Variants in RABGAP1L observed in about 807,000 individuals in gnomAD.
RABGAP1L encodes the protein RAB GTPase activating protein 1 like.
Under a neutral mutation model 137.7 loss-of-function variants are expected in RABGAP1L, and 63 were observed. The ratio of observed to expected loss-of-function variants is 0.46; its 90% CI spans 0.37 to 0.56. The LOEUF is 0.56. Ranked by LOEUF, RABGAP1L falls within the 20% of genes least tolerant of loss-of-function variation. RABGAP1L has a pLI of 0.00. For missense variants in RABGAP1L, 1,095 were observed against 1,244.0 expected, an observed-to-expected ratio of 0.88 and a Z score of 1.80; for synonymous variants, 431 against 433.7, an observed-to-expected ratio of 0.99 and a Z score of 0.08.
intron 19 of RABGAP1L, chr1:174,954,098 AAAATC>A (rs1354250150): frequency 1.3e-5 from 2 of 152,228 alleles, no homozygotes; most frequent in Non-Finnish European, 2.9e-5. Context: ...TCTCTAAAAT[AAAATC>A]AAGTTTGTCC....
chr1:174,184,629 G>A (rs1479754952), intron 1 of RABGAP1L, among the ~76,000 whole-genome samples: 1 of 152,178 alleles, frequency 6.6e-6, no homozygotes, highest in Non-Finnish European at 1.5e-5. Context: ...GCTCAGGAAA[G>A]TAACCTCCAG....
At chr1:174,804,682 G>A (rs1329801087) in intron 18 of RABGAP1L, among the ~76,000 whole-genome samples, 1 of 152,156 alleles carries the variant, frequency 6.6e-6, no homozygotes, top group African/African-American at 2.4e-5. Flanking sequence ...GTTAAAATTA[G>A]TGTTATCTGG....
intron 19 of RABGAP1L, chr1:174,849,627 A>G: frequency 2.7e-6 from 1 of 370,850 alleles, no homozygotes; most frequent in South Asian, 2.1e-5. Context: ...ATGAGAAAAT[A>G]TACAGGATGA....
chr1:174,457,217 T>A (rs575462179), intron 13 of RABGAP1L, among the ~76,000 whole-genome samples: 197 of 152,298 alleles, frequency 1.3e-3, no homozygotes, highest in Non-Finnish European at 2.1e-3. Flanking sequence ...ACAGGATATT[T>A]GAGAAGTTTT....
intron 11 of RABGAP1L, among the ~76,000 whole-genome samples, chr1:174,336,288 C>T (rs1329165356): frequency 6.6e-6 from 1 of 152,072 alleles, no homozygotes; most frequent in Non-Finnish European, 1.5e-5. Flanking sequence ...CTACCCCAGG[C>T]TAATTTTTAA....
intron 13 of RABGAP1L, among the ~76,000 whole-genome samples, chr1:174,492,887 A>G (rs2149357582): frequency 6.6e-6 from 1 of 151,944 alleles, no homozygotes; most frequent in African/African-American, 2.4e-5. Context: ...CATATGTATA[A>G]GCAGGTATAC....
intron 13 of RABGAP1L, among the ~76,000 whole-genome samples, chr1:174,544,209 C>G (rs181583306): frequency 6.6e-6 from 1 of 152,268 alleles, no homozygotes; most frequent in Non-Finnish European, 1.5e-5. Flanking sequence ...TGGTTCCATT[C>G]TCCTTGTCAC....
intron 19 of RABGAP1L, among the ~76,000 whole-genome samples, chr1:174,820,963 A>G (rs531281217): frequency 3.1e-4 from 47 of 151,538 alleles, no homozygotes; most frequent in Non-Finnish European, 6.0e-4. Flanking sequence ...GTTGCAGTGA[A>G]CTGACATTGC....
At chr1:174,695,044 GTTGT>G (rs529019876) in intron 15 of RABGAP1L, among the ~76,000 whole-genome samples, 3,208 of 152,216 alleles carry the variant, frequency 0.021, 53 homozygotes, top group Middle Eastern at 0.085. Context: ...TTTTGATGGG[GTTGT>G]TTGTTTTTTC....
At chr1:174,387,094 G>C (rs911393978) in intron 12 of RABGAP1L, among the ~76,000 whole-genome samples, 1 of 152,094 alleles carries the variant, frequency 6.6e-6, no homozygotes, top group Non-Finnish European at 1.5e-5. Flanking sequence ...AAACAACATA[G>C]TTTCTACCTT....
intron 13 of RABGAP1L, among the ~76,000 whole-genome samples, chr1:174,514,221 C>A (rs1572124736): frequency 9.4e-6 from 1 of 106,688 alleles, no homozygotes. Context: ...ATTTTTAAAT[C>A]ATGAAGCATG....
At chr1:174,358,241 T>C (rs77729848) in intron 11 of RABGAP1L, among the ~76,000 whole-genome samples, 1,655 of 152,190 alleles carry the variant, frequency 0.011, 31 homozygotes, top group African/African-American at 0.038. Context: ...AAAGAGAAGG[T>C]TTGGATTTTA....
chr1:174,276,525 A>G (rs1431516013), intron 9 of RABGAP1L, among the ~76,000 whole-genome samples: 4 of 152,138 alleles, frequency 2.6e-5, no homozygotes, highest in African/African-American at 9.7e-5. Flanking sequence ...TCATTTGTGG[A>G]GACTAGTGAT....
At chr1:174,698,424 A>G (rs752059139) in intron 15 of RABGAP1L, among the ~76,000 whole-genome samples, 4 of 152,232 alleles carry the variant, frequency 2.6e-5, no homozygotes, top group African/African-American at 9.6e-5. Context: ...AGCAACATCA[A>G]GAAAACGCAG....
At chr1:174,986,919 T>G (rs1671638100) in intron 24 of RABGAP1L, among the ~76,000 whole-genome samples, 1 of 152,228 alleles carries the variant, frequency 6.6e-6, no homozygotes. Context: ...AGATCAAAAC[T>G]ATTTCTTTAA....
At chr1:174,364,362 C>G (rs1272879988) in intron 11 of RABGAP1L, among the ~76,000 whole-genome samples, 2 of 141,218 alleles carry the variant, frequency 1.4e-5, no homozygotes, top group East Asian at 4.3e-4. Context: ...TCACGCCATT[C>G]TCCTGCCTCA....
At chr1:174,437,814 A>G (rs1156280774) in intron 13 of RABGAP1L, among the ~76,000 whole-genome samples, 1 of 152,226 alleles carries the variant, frequency 6.6e-6, no homozygotes, top group Non-Finnish European at 1.5e-5. Context: ...AAGGGCAGCC[A>G]GAGAGAAAGG....
chr1:174,479,054 A>G (rs892463349), intron 13 of RABGAP1L, among the ~76,000 whole-genome samples: 1 of 152,254 alleles, frequency 6.6e-6, no homozygotes, highest in Non-Finnish European at 1.5e-5. Context: ...CTCCAGAAAC[A>G]CCTGCATCCA....
intron 13 of RABGAP1L, among the ~76,000 whole-genome samples, chr1:174,401,103 T>C (rs1321639458): frequency 6.6e-6 from 1 of 152,084 alleles, no homozygotes; most frequent in Non-Finnish European, 1.5e-5. Context: ...AGAGCTGTTA[T>C]ATGTAAATCC....
Sources: allele counts gnomAD v4.1 joint callset (sites outside exome capture counted in the v4.1 genomes callset), GRCh38; gene constraint gnomAD v4.1.1; transcripts MANE v1.5; gene names NCBI Gene and HGNC (gene_info 2026-07-23, HGNC 2026-07-21).